Variants in SNX14 observed in about 807,000 individuals in gnomAD.
SNX14 encodes the protein sorting nexin-14.
Under a neutral mutation model 133.8 loss-of-function variants are expected in SNX14, and 93 were observed. The ratio of observed to expected loss-of-function variants is 0.70; its 90% CI spans 0.59 to 0.83. SNX14 has a LOEUF of 0.83. Among genes scored for constraint, SNX14 ranks in the 40% least tolerant of loss-of-function variants. The pLI is 0.00. For missense variants in SNX14, 945 were observed against 1,094.9 expected (o/e 0.86, Z 1.93); for synonymous variants, 368 against 365.6 (o/e 1.01, Z -0.07).
rs1194527174 is a variant in SNX14 at position 85,547,169 on chromosome 6, T to C, written c.1051A>G (p.Met351Val). The stretch of plus-strand genomic sequence containing the variant: ...GCGCCTTCTTGTTTCAGAAAGTTCA[T>C]AAAACGAAATAAAAGATCTTGTTGC... ...REQQDLLFRF[M>V]NFLKQEGAVH... Residue 351 changes from methionine (M) to valine (V), a missense_variant, in exon 12 of 29, where the codon ATG (methionine) becomes GTG (valine). By Grantham distance (21) the Met-to-Val change is conservative (BLOSUM62 1). Around this residue, in one of 3 missense-constraint regions of SNX14, gnomAD observed 514 missense variants for 538.8 expected, o/e 0.95. Coordinates refer to ENST00000314673, the MANE Select transcript of SNX14 (RefSeq NM_153816.6). The C allele has an allele frequency of 1.2e-6, 2 of 1,614,032 alleles. No homozygotes were observed. The highest frequency in any genetic ancestry group is 1.7e-6 in the Non-Finnish European group (2 of 1,179,948).
At chr6:85,548,459 G>T in intron 8 of SNX14, 83 bp from the exon 9 acceptor site, 1 of 1,055,900 alleles carries the variant, frequency 9.5e-7, no homozygotes, top group Non-Finnish European at 1.4e-6. Flanking sequence ...AATTACGTAA[G>T]GATCTTGTTA....
chr6:85,530,601 C>T (rs189277907), intron 18 of SNX14, among the ~76,000 whole-genome samples: 1,550 of 149,630 alleles, frequency 0.01, 24 homozygotes, highest in African/African-American at 0.035. Context: ...GCCGAGATTG[C>T]GCCATTGCAC....
intron 8 of SNX14, among the ~76,000 whole-genome samples, chr6:85,548,753 G>T (rs989688204): frequency 6.6e-6 from 1 of 152,080 alleles, no homozygotes; most frequent in African/African-American, 2.4e-5. Context: ...GGGATCACAA[G>T]GTCAGGAGTT....
At chr6:85,551,218 C>T (rs1202282899) in intron 7 of SNX14, among the ~76,000 whole-genome samples, 3 of 152,176 alleles carry the variant, frequency 2.0e-5, no homozygotes, top group Non-Finnish European at 4.4e-5. Context: ...AGATCCAGGC[C>T]ACCATAGCTC....
At chr6:85,572,113 A>C in intron 4 of SNX14, 24 bp downstream of exon 4, 8 of 1,548,462 alleles carry the variant, frequency 5.2e-6, no homozygotes, top group Non-Finnish European at 6.2e-6. Context: ...ATTTTCTGTT[A>C]ATAATATTAA....
chr6:85,535,541 G>A (rs1043168146), intron 17 of SNX14, among the ~76,000 whole-genome samples: 2 of 147,252 alleles, frequency 1.4e-5, no homozygotes, highest in African/African-American at 5.1e-5. Context: ...GGAGGCGGAG[G>A]TTGCAGTGAG....
intron 1 of SNX14, among the ~76,000 whole-genome samples, chr6:85,575,454 T>A (rs188820664): frequency 6.6e-6 from 1 of 152,348 alleles, no homozygotes; most frequent in East Asian, 1.9e-4. Flanking sequence ...TCACTGCACA[T>A]TGTTATTCTT....
chr6:85,535,862 C>A (rs562705718), intron 17 of SNX14, among the ~76,000 whole-genome samples: 3 of 152,108 alleles, frequency 2.0e-5, no homozygotes, highest in Non-Finnish European at 2.9e-5. Context: ...GTACTAAACA[C>A]CCCTTTTATA....
chr6:85,587,460 A>T (rs1801287794), intron 1 of SNX14, among the ~76,000 whole-genome samples: 1 of 152,188 alleles, frequency 6.6e-6, no homozygotes, highest in African/African-American at 2.4e-5. Flanking sequence ...ATCTATATAA[A>T]ATAACTTTTA....
chr6:85,534,838 T>TTG (rs1273658077), intron 17 of SNX14, among the ~76,000 whole-genome samples: 63 of 151,008 alleles, frequency 4.2e-4, no homozygotes, highest in African/African-American at 1.5e-3. Flanking sequence ...AAAGTTTTTT[T>TTG]TTTTTTTTTT....
intron 7 of SNX14, among the ~76,000 whole-genome samples, chr6:85,556,763 T>C (rs1322977604): frequency 6.6e-6 from 1 of 152,126 alleles, no homozygotes; most frequent in Admixed American, 6.5e-5. Flanking sequence ...TCAACCTTTT[T>C]TTAAACTATG....
chr6:85,546,095 A>G (rs578020953), intron 12 of SNX14, among the ~76,000 whole-genome samples: 2 of 152,372 alleles, frequency 1.3e-5, no homozygotes, highest in East Asian at 3.9e-4. Flanking sequence ...TATAAAAAAA[A>G]TTATACAGGC....
At chr6:85,529,277 G>C (rs1225027317) in intron 19 of SNX14, among the ~76,000 whole-genome samples, 1 of 151,328 alleles carries the variant, frequency 6.6e-6, no homozygotes, top group African/African-American at 2.4e-5. Context: ...GGAAATGAAG[G>C]AAGGAAGGAA....
At chr6:85,519,735 G>A (rs1195448915) in intron 21 of SNX14, among the ~76,000 whole-genome samples, 2 of 152,182 alleles carry the variant, frequency 1.3e-5, no homozygotes, top group African/African-American at 4.8e-5. Context: ...CGGACGTGGT[G>A]GCACACGCCT....
In SNX14 at chr6:85,543,692, A is replaced by G. The variant is rs758290597; in HGVS notation, c.1177T>C (p.Leu393=). 1.9e-6 allele frequency: 3 copies of G among 1,591,582 alleles called. No individual in the cohort carries two copies. The highest frequency in any genetic ancestry group is 2.3e-5 in the East Asian group (1 of 44,078). ...NDEMLSLHEE[L]QKIYKTYCLD... is the part of the protein sequence containing the mutation. The stretch of plus-strand genomic sequence containing the variant: ...CAGTATGTTTTATAAATCTTCTGCA[A>G]TTCTTCATGAAGAGACAGCATTTCA... Residue 393 remains leucine (L), a synonymous_variant, in exon 13 of 29, where the codon TTG becomes CTG. Coordinates refer to ENST00000314673, the MANE Select transcript of SNX14 (RefSeq NM_153816.6).
At chr6:85,563,715 G>C (rs1165073412) in intron 6 of SNX14, among the ~76,000 whole-genome samples, 1 of 151,928 alleles carries the variant, frequency 6.6e-6, no homozygotes, top group East Asian at 1.9e-4. Flanking sequence ...TTTTAAAGTA[G>C]ATCATAATCA....
At chr6:85,561,712 T>C (rs1791668691) in intron 6 of SNX14, among the ~76,000 whole-genome samples, 1 of 152,046 alleles carries the variant, frequency 6.6e-6, no homozygotes, top group South Asian at 2.1e-4. Flanking sequence ...GATAAGGAGG[T>C]ATATGTCCTT....
chr6:85,507,210 T>A (rs919429256), intron 28 of SNX14, 23 bp downstream of exon 28: 1 of 1,595,498 alleles, frequency 6.3e-7, no homozygotes, highest in African/African-American at 1.3e-5. Context: ...AAATCATGAA[T>A]AAAATTACTG....
intron 18 of SNX14, among the ~76,000 whole-genome samples, chr6:85,530,481 C>T (rs1486336147): frequency 2.6e-5 from 4 of 151,904 alleles, no homozygotes; most frequent in Non-Finnish European, 5.9e-5. Flanking sequence ...CCCGCTTCTA[C>T]TAAAAATACA....
Sources: gnomAD v4.1 joint callset for allele counts (sites outside exome capture counted in the v4.1 genomes callset) on GRCh38, gnomAD v4.1.1 for gene constraint, gnomAD v4.1.1 regional missense constraint, MANE v1.5 for transcripts, NCBI Gene and HGNC (gene_info 2026-07-23, HGNC 2026-07-21) for gene names.